TANGO6: variants seen among roughly 807,000 people sequenced by gnomAD.
TANGO6 encodes the protein transport and golgi organization 6 homolog, also known as transport and Golgi organization protein 6 homolog.
A neutral mutation model predicts 114.2 loss-of-function variants in TANGO6; 90 were observed. The observed-to-expected ratio is 0.79, with a 90% CI of 0.66 to 0.94. The LOEUF (loss-of-function observed/expected upper bound fraction) is 0.94. TANGO6 is among the 40% of genes least tolerant of loss of function. The pLI is 0.00. For missense variants in TANGO6, 1,274 were observed against 1,315.3 expected (o/e 0.97, Z 0.49); for synonymous variants, 477 against 509.8 (o/e 0.94, Z 0.87).
chr16:68,925,668 A>T (rs1180697940), intron 12 of TANGO6, among the ~76,000 whole-genome samples: 1 of 152,160 alleles, frequency 6.6e-6, no homozygotes, highest in Non-Finnish European at 1.5e-5. Flanking sequence ...TTGCTGTTGT[A>T]TTTAAAAGGT....
chr16:68,927,728 C>G lies in TANGO6; in HGVS notation c.2288C>G (p.Ala763Gly), dbSNP rs755414954. Residue 763 changes from alanine to glycine, a missense_variant, in exon 13 of 18, where the codon GCC becomes GGC. Transcript: ENST00000261778. ...AFATEAVSMA[A>G]QSTLNRKDLE... Reference sequence around the variant, plus strand: ...GCCACTGAGGCCGTCAGCATGGCTGCCCAAAGTACACTGAACAGAAAAGAT... The same window carrying G: ...GCCACTGAGGCCGTCAGCATGGCTGGCCAAAGTACACTGAACAGAAAAGAT... The G allele has an allele frequency of 8.7e-6, 14 of 1,613,804 alleles. No homozygotes were observed. The highest frequency in any genetic ancestry group is 1.1e-5 in the Non-Finnish European group (13 of 1,179,892).
chr16:68,939,355 A>T (rs759524955), intron 14 of TANGO6, among the ~76,000 whole-genome samples: 2 of 152,080 alleles, frequency 1.3e-5, no homozygotes, highest in Non-Finnish European at 2.9e-5. Context: ...GCGCCATTGC[A>T]CTTCAGCCTG....
At chr16:68,992,046 C>A (rs957204999) in intron 15 of TANGO6, among the ~76,000 whole-genome samples, 1 of 151,896 alleles carries the variant, frequency 6.6e-6, no homozygotes, top group Non-Finnish European at 1.5e-5. Context: ...ATCCACCCAG[C>A]AACTATTCTC....
intron 14 of TANGO6, among the ~76,000 whole-genome samples, chr16:68,965,527 C>T (rs1347293350): frequency 3.9e-5 from 6 of 152,138 alleles, no homozygotes; most frequent in African/African-American, 4.8e-5. Context: ...ACCTGCCAGG[C>T]GTGGTAGCTC....
At chr16:69,070,070 G>C (rs1014545184) in intron 17 of TANGO6, among the ~76,000 whole-genome samples, 1 of 150,612 alleles carries the variant, frequency 6.6e-6, no homozygotes, top group Non-Finnish European at 1.5e-5. Flanking sequence ...AAAAAGCTAG[G>C]TGTGGCATGT....
intron 17 of TANGO6, among the ~76,000 whole-genome samples, chr16:69,077,066 G>A (rs1161845363): frequency 2.0e-5 from 3 of 151,384 alleles, no homozygotes; most frequent in African/African-American, 7.3e-5. Flanking sequence ...TTTGGAGACA[G>A]GGTCTCACTC....
In TANGO6 at chr16:68,860,205, T is replaced by C; in HGVS notation, c.416T>C (p.Ile139Thr). 6.2e-7 allele frequency: 1 copy of C among 1,613,990 alleles called. No individual in the cohort carries two copies. Among genetic ancestry groups the C allele is most frequent in the Non-Finnish European group, 8.5e-7 (1 of 1,179,888 alleles). ...GCCCTGAGCCCCGATGCACTTAGTA[T>C]CTCACAACAGAAGACTGTCCAGTTC... ...APALSPDALS[I>T]SQQKTVQFVL... The change falls in exon 2 of 18, where the codon ATC (isoleucine) becomes ACC (threonine). Residue 139 changes from isoleucine (I) to threonine (T), a missense_variant. Physicochemically the swap from Ile to Thr is moderately conservative, Grantham distance 89 (BLOSUM62 -1). Transcript: ENST00000261778.
intron 7 of TANGO6, among the ~76,000 whole-genome samples, chr16:68,886,062 T>C (rs940411541): frequency 2.0e-5 from 3 of 152,226 alleles, no homozygotes; most frequent in Non-Finnish European, 4.4e-5. Flanking sequence ...CTGTCTTGTC[T>C]TTTTTATTAT....
intron 17 of TANGO6, among the ~76,000 whole-genome samples, chr16:69,044,958 G>A (rs1019951807): frequency 6.6e-6 from 1 of 151,850 alleles, no homozygotes. Flanking sequence ...TCAGGAGTTC[G>A]AGACCAGCCT....
At chr16:68,911,160 C>T (rs556207491) in intron 11 of TANGO6, among the ~76,000 whole-genome samples, 1 of 152,142 alleles carries the variant, frequency 6.6e-6, no homozygotes, top group South Asian at 2.1e-4. Flanking sequence ...ACTATCAGCC[C>T]AGGCTGGACT....
chr16:68,922,019 T>A (rs778360364), intron 12 of TANGO6, among the ~76,000 whole-genome samples: 1 of 152,184 alleles, frequency 6.6e-6, no homozygotes, highest in Non-Finnish European at 1.5e-5. Context: ...CTGAATTGTG[T>A]TTTCAGTTAA....
intron 9 of TANGO6, among the ~76,000 whole-genome samples, chr16:68,905,355 G>C (rs755204503): frequency 1.3e-5 from 2 of 151,878 alleles, no homozygotes; most frequent in Non-Finnish European, 2.9e-5. Flanking sequence ...GGCCAACATG[G>C]TGAAACCCTG....
chr16:68,971,349 C>G (rs560980291), intron 14 of TANGO6, among the ~76,000 whole-genome samples: 1 of 152,068 alleles, frequency 6.6e-6, no homozygotes, highest in South Asian at 2.1e-4. Flanking sequence ...TAGCTTACTG[C>G]GGCCTAGAAC....
At chr16:68,967,450 G>A (rs1963657440) in intron 14 of TANGO6, among the ~76,000 whole-genome samples, 1 of 152,134 alleles carries the variant, frequency 6.6e-6, no homozygotes, top group Non-Finnish European at 1.5e-5. Flanking sequence ...GCCATGCCCG[G>A]TAACAGTCTG....
chr16:68,893,395 G>A (rs1178326420), intron 7 of TANGO6, among the ~76,000 whole-genome samples: 1 of 152,060 alleles, frequency 6.6e-6, no homozygotes, highest in Non-Finnish European at 1.5e-5. Context: ...ATTAAAAAAG[G>A]GAACTTTCAG....
chr16:68,939,363 C>T (rs34882853), intron 14 of TANGO6, among the ~76,000 whole-genome samples: 1 of 152,126 alleles, frequency 6.6e-6, no homozygotes, highest in East Asian at 1.9e-4. Context: ...GCACTTCAGC[C>T]TGGGGAACAA....
In TANGO6 at chr16:68,860,083, C is replaced by T; in HGVS notation, c.294C>T (p.Thr98=). The T allele has an allele frequency of 2.5e-6, 4 of 1,613,954 alleles. No individual in the cohort carries two copies. The highest frequency in any genetic ancestry group is 3.4e-6 in the Non-Finnish European group (4 of 1,179,886). ...VDVTWSFTSQ[T]LLLLLCLKET... is the part of the protein sequence containing the mutation. Reference sequence around the variant, plus strand: ...TCACTTGGAGTTTTACCTCTCAAACCTTGTTGTTGCTTTTGTGCTTGAAGG... The same window carrying T: ...TCACTTGGAGTTTTACCTCTCAAACTTTGTTGTTGCTTTTGTGCTTGAAGG... Residue 98 remains threonine (T), a synonymous_variant, in exon 2 of 18, where the codon ACC becomes ACT. Coordinates refer to ENST00000261778, the MANE Select transcript of TANGO6 (RefSeq NM_024562.2).
chr16:68,964,779 C>T (rs1278684236), intron 14 of TANGO6, among the ~76,000 whole-genome samples: 1 of 151,724 alleles, frequency 6.6e-6, no homozygotes, highest in African/African-American at 2.4e-5. Flanking sequence ...TTGGCCTGGC[C>T]AGTCTCGAAT....
intron 8 of TANGO6, among the ~76,000 whole-genome samples, chr16:68,901,832 T>TTCTCATC (rs1000176151): frequency 5.3e-5 from 8 of 152,158 alleles, no homozygotes; most frequent in Non-Finnish European, 1.0e-4. Context: ...CACTGTCATG[T>TTCTCATC]TCTCATCAGA....
Sources: gnomAD v4.1 joint callset for allele counts (sites outside exome capture counted in the v4.1 genomes callset) on GRCh38, gnomAD v4.1.1 for gene constraint, MANE v1.5 for transcripts, NCBI Gene and HGNC (gene_info 2026-07-23, HGNC 2026-07-21) for gene names.